The following DOCK2 variants were observed in gnomAD, a reference collection of about 807,000 sequenced individuals.
DOCK2 encodes the protein dedicator of cytokinesis 2.
In DOCK2, 87 loss-of-function variants were observed where a neutral mutation model predicts 248.9. That is an observed-to-expected ratio of 0.35 (90% CI 0.29 to 0.42). The LOEUF (loss-of-function observed/expected upper bound fraction) is 0.42, where lower values mean the gene tolerates loss of function less well. Ranked by LOEUF, DOCK2 falls within the 10% of genes least tolerant of loss-of-function variation. DOCK2 has a pLI of 1.00. For missense variants in DOCK2, 1,747 were observed against 2,300.2 expected, an observed-to-expected ratio of 0.76 and a Z score of 4.92; for synonymous variants, 805 against 821.6, an observed-to-expected ratio of 0.98 and a Z score of 0.35.
intron 25 of DOCK2, among the ~76,000 whole-genome samples, chr5:169,765,942 G>A (rs1393065874): frequency 6.6e-6 from 1 of 152,180 alleles, no homozygotes; most frequent in Non-Finnish European, 1.5e-5. Flanking sequence ...TGTACAAGGG[G>A]CTGGACAACG....
intron 27 of DOCK2, among the ~76,000 whole-genome samples, chr5:169,935,636 T>C (rs577421089): frequency 1.4e-4 from 22 of 152,294 alleles, no homozygotes; most frequent in African/African-American, 5.1e-4. Context: ...AAGGTCTTCA[T>C]AGTGAGGTGG....
chr5:169,665,582 C>G (rs1296418548), intron 2 of DOCK2, among the ~76,000 whole-genome samples: 3 of 151,966 alleles, frequency 2.0e-5, no homozygotes, highest in Non-Finnish European at 4.4e-5. Flanking sequence ...TTTCTTTTGT[C>G]CATATGTAGG....
intron 10 of DOCK2, 140 bp from the exon 11 acceptor site, chr5:169,698,234 C>T: frequency 1.4e-6 from 1 of 701,708 alleles, no homozygotes; most frequent in Non-Finnish European, 2.5e-6. Context: ...TTGTGCAGCA[C>T]TGGCTTGCTT....
intron 27 of DOCK2, among the ~76,000 whole-genome samples, chr5:169,903,365 C>G (rs1362860676): frequency 6.7e-6 from 1 of 149,572 alleles, no homozygotes; most frequent in East Asian, 2.0e-4. Flanking sequence ...GTGGTAAATA[C>G]CCACCAAGAG....
At chr5:169,864,540 A>C in intron 27 of DOCK2, 1 of 1,072,694 alleles carries the variant, frequency 9.3e-7, no homozygotes. Flanking sequence ...CCCAACTAAT[A>C]TGGAAGAGCA....
intron 1 of DOCK2, among the ~76,000 whole-genome samples, chr5:169,641,988 G>A (rs557596701): frequency 1.3e-5 from 2 of 152,300 alleles, no homozygotes; most frequent in Admixed American, 6.5e-5. Context: ...GCTGCCCCTG[G>A]CAGGTCTAAT....
In DOCK2 at chr5:169,958,598, A is replaced by G. The variant is rs1167789621; in HGVS notation, c.2800-24470A>G. ...TTTCCTGGGTTTCTTTTTTTTTGGTATAAATTTACAAAATGTGGTTTAAAT... is the reference window on the plus strand; with the variant it reads ...TTTCCTGGGTTTCTTTTTTTTTGGTGTAAATTTACAAAATGTGGTTTAAAT... On this transcript the variant is annotated intron_variant, in intron 27 of 51. Transcript: ENST00000520908. 2.7e-5 allele frequency among the ~76,000 whole-genome samples: 4 copies of G among 148,288 alleles called. No individual in the cohort carries two copies. The South Asian group carries it at 8.7e-4, about 32-fold the overall frequency.
chr5:170,029,099 A>T (rs1313532337), intron 34 of DOCK2, among the ~76,000 whole-genome samples: 1 of 152,166 alleles, frequency 6.6e-6, no homozygotes, highest in Non-Finnish European at 1.5e-5. Context: ...TATACCTAGA[A>T]ATTGAATTGC....
At chr5:169,695,996 AATTGTAATGATG>A in intron 10 of DOCK2, 58 bp downstream of exon 10, 1 of 1,523,132 alleles carries the variant, frequency 6.6e-7, no homozygotes. Context: ...TATGTGGCTG[AATTGTAATGATG>A]ATTTGTTTCC....
intron 27 of DOCK2, among the ~76,000 whole-genome samples, chr5:169,949,484 G>C (rs866194002): frequency 6.6e-6 from 1 of 152,008 alleles, no homozygotes; most frequent in African/African-American, 2.4e-5. Flanking sequence ...AATGAAAAGT[G>C]AGAAATAACT....
chr5:170,071,358 C>T (rs998703192), intron 46 of DOCK2, among the ~76,000 whole-genome samples: 2 of 152,194 alleles, frequency 1.3e-5, no homozygotes, highest in Non-Finnish European at 2.9e-5. Flanking sequence ...AAGCCAAATA[C>T]ACTTTGAATT....
intron 30 of DOCK2, chr5:169,998,047 T>A: frequency 2.2e-6 from 1 of 456,266 alleles, no homozygotes; most frequent in Non-Finnish European, 4.4e-6. Flanking sequence ...AAGTTTCTGT[T>A]CAAATACTTC....
At position 170,045,894 on chromosome 5, in the gene DOCK2, A is replaced by G. The variant is rs774350496; in HGVS notation, c.3955A>G (p.Ser1319Gly). ...GGAGATCTTTGACTATGAGCTGCTC[A>G]GCCAGAACCTGGTAAGGCATCCCCT... ...EMEIFDYELL[S>G]QNLIQQAKFY... is the part of the protein sequence containing the mutation. Residue 1319 changes from serine (S) to glycine (G), a missense_variant, in exon 39 of 52, where the codon AGC (serine) becomes GGC (glycine). Coordinates refer to ENST00000520908, the MANE Select transcript of DOCK2 (RefSeq NM_004946.3). 6 of 1,614,070 alleles carry G rather than the reference A, an allele frequency of 3.7e-6. No homozygotes were observed. Among genetic ancestry groups the G allele is most frequent in the East Asian group, 2.2e-5 (1 of 44,886 alleles).
At chr5:170,011,569 T>G (rs1755296682) in intron 32 of DOCK2, among the ~76,000 whole-genome samples, 1 of 152,188 alleles carries the variant, frequency 6.6e-6, no homozygotes, top group Non-Finnish European at 1.5e-5. Flanking sequence ...AGAACCAGGC[T>G]TCTCTTGTTC....
At chr5:169,749,707 A>G (rs1235890799) in intron 23 of DOCK2, among the ~76,000 whole-genome samples, 2 of 152,156 alleles carry the variant, frequency 1.3e-5, no homozygotes, top group Non-Finnish European at 2.9e-5. Context: ...CCTGTTCTTT[A>G]TACTGTTTCT....
At chr5:170,060,787 T>C (rs1325606723) in intron 44 of DOCK2, among the ~76,000 whole-genome samples, 2 of 152,066 alleles carry the variant, frequency 1.3e-5, no homozygotes, top group Admixed American at 1.3e-4. Flanking sequence ...ATCCCAACAC[T>C]TTGGGAGGCT....
chr5:170,081,487 A>C, intron 50 of DOCK2: 1 of 225,234 alleles, frequency 4.4e-6, no homozygotes, highest in Non-Finnish European at 8.7e-6. Context: ...TGCAATGGGG[A>C]GAGAAATCCA....
At chr5:169,665,457 CATGTTTATATGTATAT>C (rs1758670441) in intron 2 of DOCK2, among the ~76,000 whole-genome samples, 1 of 151,188 alleles carries the variant, frequency 6.6e-6, no homozygotes, top group Non-Finnish European at 1.5e-5. Context: ...TGTATATACA[CATGTTTATATGTATAT>C]ACACACACAT....
intron 27 of DOCK2, among the ~76,000 whole-genome samples, chr5:169,893,826 A>G (rs1479687972): frequency 2.0e-5 from 3 of 152,164 alleles, no homozygotes; most frequent in Non-Finnish European, 4.4e-5. Flanking sequence ...CATTTTCCAC[A>G]TGGGAGAGGG....
Sources: allele counts gnomAD v4.1 joint callset (sites outside exome capture counted in the v4.1 genomes callset), GRCh38; gene constraint gnomAD v4.1.1; transcripts MANE v1.5; gene names NCBI Gene and HGNC (gene_info 2026-07-23, HGNC 2026-07-21).